The following PTN variants were observed in gnomAD, a reference collection of about 807,000 sequenced individuals.
The protein encoded by PTN is pleiotrophin, also known as heparin affin regulatory protein.
PTN carries 18 observed loss-of-function variants against 24.1 expected under a neutral mutation model. The ratio of observed to expected loss-of-function variants is 0.75; its 90% CI spans 0.52 to 1.11. The LOEUF is 1.11. Ranked by LOEUF, PTN falls within the 50% of genes least tolerant of loss-of-function variation. The pLI is 0.00. For missense variants in PTN, 163 were observed against 198.8 expected (o/e 0.82, Z 1.08); for synonymous variants, 78 against 68.6 (o/e 1.14, Z -0.67).
chr7:137,324,431 A>ATAT (rs1554383212), intron 1 of PTN, among the ~76,000 whole-genome samples: 11 of 63,072 alleles, frequency 1.7e-4, no homozygotes, highest in South Asian at 4.5e-4. Context: ...AAAAAAAAAA[A>ATAT]AAATATATAT....
At position 137,296,687 on chromosome 7, in the gene PTN, T is replaced by C. The variant is rs551051779; in HGVS notation, c.-1-41713A>G. Among the ~76,000 whole-genome samples, 4 of 152,234 alleles carry C rather than the reference T, an allele frequency of 2.6e-5. No homozygotes were observed. The South Asian group carries it at 6.2e-4, about 24-fold the overall frequency. On this transcript the variant is annotated intron_variant, in intron 1 of 4. Transcript: ENST00000348225. ...GAACTCTGATTTCACACTGCATAAG[T>C]TGAAGCTTGTTGAAACAGAGGGGAC...
At chr7:137,258,599 A>T (rs942903154) in intron 1 of PTN, among the ~76,000 whole-genome samples, 1 of 152,332 alleles carries the variant, frequency 6.6e-6, no homozygotes, top group African/African-American at 2.4e-5. Context: ...AAAGAGTTTT[A>T]AAAATGCAAT....
In PTN at chr7:137,227,905, A is replaced by T; in HGVS notation, c.*115T>A. 1.4e-6 allele frequency: 2 copies of T among 1,405,146 alleles called. No homozygotes were observed. The highest frequency in any genetic ancestry group is 2.4e-5 in the East Asian group (1 of 41,356). 87.0% of individuals were successfully genotyped at this position (1,405,146 alleles called of 1,614,324 possible). ...TTTTCTTTTCTTTTTGTTTTTGCTT[A>T]TTGTGTACTTAGCTATAGATAATTT... On this transcript the variant is annotated 3_prime_UTR_variant, in exon 5 of 5. Coordinates refer to ENST00000348225, the MANE Select transcript of PTN (RefSeq NM_002825.7).
At chr7:137,334,739 C>A (rs935097784) in intron 1 of PTN, among the ~76,000 whole-genome samples, 30 of 150,770 alleles carry the variant, frequency 2.0e-4, no homozygotes, top group Non-Finnish European at 3.4e-4. Flanking sequence ...AAGACACATG[C>A]ACATGTATGT....
chr7:137,255,132 T>C (rs1465413341), intron 1 of PTN, among the ~76,000 whole-genome samples, 158 bp from the exon 2 acceptor site: 1 of 152,240 alleles, frequency 6.6e-6, no homozygotes, highest in Non-Finnish European at 1.5e-5. Flanking sequence ...TTATCTATTC[T>C]TACCAACAGC....
intron 1 of PTN, among the ~76,000 whole-genome samples, chr7:137,313,733 A>T (rs1218820183): frequency 6.6e-6 from 1 of 152,204 alleles, no homozygotes; most frequent in Non-Finnish European, 1.5e-5. Flanking sequence ...TAATCTGAAA[A>T]TCATGAGGCA....
At chr7:137,278,981 TAA>T (rs1218484445) in intron 1 of PTN, among the ~76,000 whole-genome samples, 6 of 140,410 alleles carry the variant, frequency 4.3e-5, no homozygotes, top group Non-Finnish European at 9.4e-5. Flanking sequence ...ATAATAATAA[TAA>T]AATAAAGAAA....
chr7:137,249,457 G>A (rs1234628740), intron 4 of PTN, among the ~76,000 whole-genome samples: 1 of 152,000 alleles, frequency 6.6e-6, no homozygotes, highest in African/African-American at 2.4e-5. Flanking sequence ...TGCTATACTT[G>A]GGCACTGGGA....
At chr7:137,281,235 A>G (rs981363683) in intron 1 of PTN, among the ~76,000 whole-genome samples, 1 of 152,018 alleles carries the variant, frequency 6.6e-6, no homozygotes, top group Non-Finnish European at 1.5e-5. Flanking sequence ...TGCCAACTAT[A>G]AGGGGGCTGG....
intron 1 of PTN, among the ~76,000 whole-genome samples, chr7:137,339,136 G>T (rs1789105577): frequency 6.6e-6 from 1 of 152,096 alleles, no homozygotes; most frequent in African/African-American, 2.4e-5. Context: ...ATCATAAAAT[G>T]TTGGGATTAG....
chr7:137,314,596 G>C (rs1020877854), intron 1 of PTN, among the ~76,000 whole-genome samples: 3 of 86,990 alleles, frequency 3.4e-5, no homozygotes, highest in Non-Finnish European at 7.2e-5. Flanking sequence ...TTTACATGAT[G>C]CTTTTTTTTT....
At chr7:137,327,117 G>C (rs1393764547) in intron 1 of PTN, among the ~76,000 whole-genome samples, 1 of 152,142 alleles carries the variant, frequency 6.6e-6, no homozygotes, top group African/African-American at 2.4e-5. Flanking sequence ...AATGTAAAAG[G>C]ATCAAGGGGT....
intron 1 of PTN, among the ~76,000 whole-genome samples, chr7:137,261,229 T>G (rs751770441): frequency 1.3e-5 from 2 of 152,182 alleles, no homozygotes. Context: ...CAAATGATAT[T>G]TTAAGACCAA....
intron 1 of PTN, among the ~76,000 whole-genome samples, chr7:137,338,730 TA>T (rs1056658031): frequency 9.9e-5 from 15 of 152,194 alleles, no homozygotes; most frequent in African/African-American, 3.6e-4. Context: ...TCACTATGCG[TA>T]AAAGTCTGGT....
At chr7:137,245,832 A>C (rs1471181502) in intron 4 of PTN, among the ~76,000 whole-genome samples, 2 of 152,216 alleles carry the variant, frequency 1.3e-5, no homozygotes, top group Non-Finnish European at 2.9e-5. Flanking sequence ...TTAAAAAATT[A>C]AAAATGCTTA....
At chr7:137,266,442 T>C (rs1343040098) in intron 1 of PTN, among the ~76,000 whole-genome samples, 1 of 152,184 alleles carries the variant, frequency 6.6e-6, no homozygotes, top group East Asian at 1.9e-4. Context: ...TTTTAAATTA[T>C]ACAACATTTT....
chr7:137,227,839 C>G lies in PTN; in HGVS notation c.*181G>C. 2.0e-6 allele frequency: 1 copy of G among 490,538 alleles called. No homozygotes were observed. The highest frequency in any genetic ancestry group is 3.4e-6 in the Non-Finnish European group (1 of 298,232). The allele number at this position is 490,538 out of a possible 1,614,324, so 30.4% of individuals were successfully genotyped here. On this transcript the variant is annotated 3_prime_UTR_variant, in exon 5 of 5. Coordinates refer to ENST00000348225, the MANE Select transcript of PTN (RefSeq NM_002825.7). The stretch of plus-strand genomic sequence containing the variant: ...TACAGTCCTTTATTATAAGCCCCTA[C>G]TGGTACTATAGTATACATTTAAAAA...
intron 1 of PTN, among the ~76,000 whole-genome samples, chr7:137,282,036 A>C (rs1809482128): frequency 6.6e-6 from 1 of 152,244 alleles, no homozygotes; most frequent in African/African-American, 2.4e-5. Context: ...TCACAAAATT[A>C]AACAGTAAGG....
chr7:137,297,037 C>T (rs1809729899), intron 1 of PTN, among the ~76,000 whole-genome samples: 2 of 152,050 alleles, frequency 1.3e-5, no homozygotes, highest in African/African-American at 2.4e-5. Flanking sequence ...TTCCAATGTG[C>T]ATGGCAAAGA....
Sources: allele counts gnomAD v4.1 joint callset (sites outside exome capture counted in the v4.1 genomes callset), GRCh38; gene constraint gnomAD v4.1.1; transcripts MANE v1.5; gene names NCBI Gene and HGNC (gene_info 2026-07-23, HGNC 2026-07-21).